Variants in PCSK2 observed in about 807,000 individuals in gnomAD.
The protein encoded by PCSK2 is proprotein convertase subtilisin/kexin type 2, also known as neuroendocrine convertase 2.
Under a neutral mutation model 69.7 loss-of-function variants are expected in PCSK2, and 14 were observed. The observed-to-expected ratio is 0.20, with a 90% CI of 0.13 to 0.31. The LOEUF (loss-of-function observed/expected upper bound fraction) is 0.31. Ranked by LOEUF, PCSK2 falls within the 10% of genes least tolerant of loss-of-function variation. The probability of loss-of-function intolerance (pLI) is 1.00; values close to 1 mark genes in which losing one functional copy is unlikely to be tolerated. For synonymous variants in PCSK2, 307 were observed against 320.7 expected, an observed-to-expected ratio of 0.96 and a Z score of 0.46; for missense variants, 544 against 842.5, an observed-to-expected ratio of 0.65 and a Z score of 4.39.
At chr20:17,419,147 T>C (rs1477964673) in intron 6 of PCSK2, among the ~76,000 whole-genome samples, 1 of 152,254 alleles carries the variant, frequency 6.6e-6, no homozygotes, top group Non-Finnish European at 1.5e-5. Context: ...CATTTACTCA[T>C]TGTTTTCCTT....
intron 8 of PCSK2, among the ~76,000 whole-genome samples, chr20:17,441,123 T>A (rs2032587306): frequency 6.6e-6 from 1 of 152,168 alleles, no homozygotes; most frequent in South Asian, 2.1e-4. Context: ...CTTAGAGGTG[T>A]TTCCACTTGG....
intron 2 of PCSK2, among the ~76,000 whole-genome samples, chr20:17,290,558 C>T (rs62202210): frequency 0.074 from 11,308 of 152,166 alleles, 495 homozygotes; most frequent in East Asian, 0.1. Flanking sequence ...AAGACTACTC[C>T]TAGACGTTAA....
chr20:17,481,417 G>GAT (rs1491328611), intron 11 of PCSK2, among the ~76,000 whole-genome samples, 167 bp from the exon 12 acceptor site: 1 of 114,946 alleles, frequency 8.7e-6, no homozygotes, highest in Non-Finnish European at 1.7e-5. Context: ...AAAAAAAAGA[G>GAT]ATAAGTAACT....
intron 2 of PCSK2, among the ~76,000 whole-genome samples, chr20:17,348,076 A>AAAGG (rs1990743552): frequency 6.7e-6 from 1 of 150,160 alleles, no homozygotes; most frequent in African/African-American, 2.5e-5. Flanking sequence ...AGAAAGAAAG[A>AAAGG]AAGAAAGAAA....
intron 5 of PCSK2, among the ~76,000 whole-genome samples, chr20:17,396,729 G>C (rs752092138): frequency 6.6e-6 from 1 of 151,988 alleles, no homozygotes; most frequent in Non-Finnish European, 1.5e-5. Flanking sequence ...AGATCCTCCC[G>C]CCTCAGCCTC....
At chr20:17,269,400 G>A (rs1486889205) in intron 2 of PCSK2, among the ~76,000 whole-genome samples, 3 of 152,138 alleles carry the variant, frequency 2.0e-5, no homozygotes, top group Non-Finnish European at 4.4e-5. Context: ...CAGGATCAGA[G>A]GTCAAGAGAA....
chr20:17,362,190 A>G (rs2030418446), intron 4 of PCSK2, among the ~76,000 whole-genome samples: 1 of 152,210 alleles, frequency 6.6e-6, no homozygotes, highest in African/African-American at 2.4e-5. Context: ...TCATTTCCAC[A>G]TGCAAAGGCA....
At chr20:17,252,067 G>A (rs1374046201) in intron 1 of PCSK2, among the ~76,000 whole-genome samples, 1 of 152,144 alleles carries the variant, frequency 6.6e-6, no homozygotes, top group Non-Finnish European at 1.5e-5. Flanking sequence ...GTGTGTTCCA[G>A]GGAACAAGGC....
At chr20:17,427,416 T>C (rs1432953415) in intron 6 of PCSK2, among the ~76,000 whole-genome samples, 1 of 151,890 alleles carries the variant, frequency 6.6e-6, no homozygotes, top group Non-Finnish European at 1.5e-5. Flanking sequence ...GGGCCTCAGG[T>C]TTTCATTTGG....
chr20:17,372,277 G>C (rs555558493), intron 5 of PCSK2, among the ~76,000 whole-genome samples: 24 of 152,072 alleles, frequency 1.6e-4, no homozygotes, highest in Non-Finnish European at 2.9e-4. Context: ...TACTCAGGAG[G>C]CTGAGGCAGG....
chr20:17,270,035 T>G (rs1600431576), intron 2 of PCSK2, among the ~76,000 whole-genome samples: 1 of 152,252 alleles, frequency 6.6e-6, no homozygotes, highest in East Asian at 1.9e-4. Flanking sequence ...AACCTCTGCT[T>G]CAAAATAAAT....
intron 5 of PCSK2, among the ~76,000 whole-genome samples, chr20:17,384,276 C>T (rs2031170004): frequency 6.6e-6 from 1 of 151,954 alleles, no homozygotes; most frequent in Admixed American, 6.6e-5. Context: ...ATTTAAGTGA[C>T]TACATACTAT....
rs2284912 is a variant in PCSK2 at position 17,457,568 on chromosome 20, T to C, written c.1202+1120T>C. ...TAACAAAATTCAGATAGAAAATTTA[T>C]GATGCCAAGACACTGGTCAAAGCTC... On this transcript the variant is annotated intron_variant, in intron 10 of 11. Transcript: ENST00000262545. Among the ~76,000 whole-genome samples, 2,984 of 152,330 alleles carry C rather than the reference T, an allele frequency of 0.02. 231 individuals carry two copies. In the East Asian group the frequency reaches 0.2, roughly 10 times the overall value.
intron 2 of PCSK2, among the ~76,000 whole-genome samples, chr20:17,348,585 G>A (rs1408767231): frequency 1.3e-5 from 2 of 152,120 alleles, no homozygotes; most frequent in Non-Finnish European, 2.9e-5. Flanking sequence ...TCTCATATGG[G>A]GGGCCACAGC....
At chr20:17,337,745 G>A (rs1001225944) in intron 2 of PCSK2, among the ~76,000 whole-genome samples, 1 of 151,740 alleles carries the variant, frequency 6.6e-6, no homozygotes, top group African/African-American at 2.4e-5. Flanking sequence ...GGCAGTATAG[G>A]GAGACCTGAC....
At chr20:17,337,467 T>G (rs914777034) in intron 2 of PCSK2, among the ~76,000 whole-genome samples, 10 of 152,186 alleles carry the variant, frequency 6.6e-5, no homozygotes, top group Admixed American at 2.6e-4. Flanking sequence ...GGAAGAAGAT[T>G]CATTTAACCC....
At chr20:17,245,192 T>C (rs1986725509) in intron 1 of PCSK2, among the ~76,000 whole-genome samples, 1 of 152,088 alleles carries the variant, frequency 6.6e-6, no homozygotes, top group Admixed American at 6.6e-5. Flanking sequence ...CACGTGGAGG[T>C]CATCTCCAGT....
At chr20:17,464,267 C>T (rs763220128) in intron 10 of PCSK2, 6 of 152,070 alleles carry the variant, frequency 3.9e-5, no homozygotes, top group Non-Finnish European at 5.9e-5. Flanking sequence ...ACAACCTGTG[C>T]GATAACCTGG....
intron 8 of PCSK2, among the ~76,000 whole-genome samples, chr20:17,448,346 G>T (rs1034340697): frequency 4.6e-5 from 7 of 152,286 alleles, no homozygotes; most frequent in African/African-American, 1.7e-4. Context: ...TAGGCAATGC[G>T]CTGGGGACAC....
Sources: gnomAD v4.1 joint callset for allele counts (sites outside exome capture counted in the v4.1 genomes callset) on GRCh38, gnomAD v4.1.1 for gene constraint, MANE v1.5 for transcripts, NCBI Gene and HGNC (gene_info 2026-07-23, HGNC 2026-07-21) for gene names.